The following DOCK8 variants were observed in gnomAD, a reference collection of about 807,000 sequenced individuals.
DOCK8 encodes dedicator of cytokinesis 8.
In DOCK8, 141 loss-of-function variants were observed where a neutral mutation model predicts 245.6. That is an observed-to-expected ratio of 0.57 (90% CI 0.50 to 0.66). DOCK8 has a LOEUF of 0.66. DOCK8 is among the 30% of genes least tolerant of loss of function. DOCK8 has a pLI of 0.00. For missense variants in DOCK8, 2,965 were observed against 2,603.4 expected (o/e 1.14, Z -3.02); for synonymous variants, 1,168 against 970.2 (o/e 1.20, Z -3.79).
chr9:213,337 A>AT (rs897619183), upstream of DOCK8: 8 of 152,110 alleles, frequency 5.3e-5, no homozygotes, highest in African/African-American at 1.9e-4. Context: ...CCTTAGGTGG[A>AT]TTTTAGTATT....
intron 7 of DOCK8, among the ~76,000 whole-genome samples, chr9:319,402 G>A (rs1379482645): frequency 3.3e-5 from 5 of 152,160 alleles, no homozygotes; most frequent in Non-Finnish European, 7.3e-5. Context: ...ATATTTGCCA[G>A]GTGCACTTGG....
At position 312,156 on chromosome 9, in the gene DOCK8, C is replaced by T; in HGVS notation, c.731C>T (p.Ser244Leu). Residue 244 changes from serine (S) to leucine (L), a missense_variant, in exon 6 of 48, where the codon TCA (serine) becomes TTA (leucine). Coordinates refer to ENST00000432829, the MANE Select transcript of DOCK8 (RefSeq NM_203447.4). The part of the protein sequence containing the change: ...RQAELFALYP[S>L]VDEEDAVEIR... ...GCCGAGCTCTTTGCCCTTTACCCAT[C>T]AGTGGACGAGGTGGGTGCCACTGTT... 6.2e-7 allele frequency: 1 copy of T among 1,614,180 alleles called. No individual in the cohort carries two copies. The highest frequency in any genetic ancestry group is 1.6e-4 in the Middle Eastern group (1 of 6,062).
At chr9:270,108 C>A (rs768895527) in intron 1 of DOCK8, among the ~76,000 whole-genome samples, 12 of 152,204 alleles carry the variant, frequency 7.9e-5, no homozygotes, top group African/African-American at 2.2e-4. Context: ...ATTTGATCTG[C>A]ATTTCCCATT....
Position 370,390 on chromosome 9 carries a change from A to G in DOCK8, c.1868+90A>G, listed in dbSNP as rs2131205008. 3.5e-6 allele frequency: 4 copies of G among 1,142,112 alleles called. No individual in the cohort carries two copies. In the East Asian group the frequency reaches 7.2e-5, roughly 21 times the overall value. The allele number at this position is 1,142,112 out of a possible 1,614,324, so 70.7% of individuals were successfully genotyped here. A position where few individuals can be genotyped will look rare whatever the true frequency, so the allele number is the denominator to read the frequency against. ...GTCCCGTGGGTGGTTCCTCCTAACT[A>G]TTTTTATAATTCAGGGACTGAGGGG... On this transcript the variant is annotated intron_variant, in intron 16 of 47. Transcript: ENST00000432829.
chr9:402,501 A>G (rs1325146094), intron 26 of DOCK8, among the ~76,000 whole-genome samples: 3 of 152,216 alleles, frequency 2.0e-5, no homozygotes, highest in Non-Finnish European at 4.4e-5. Context: ...ACTTAGCACC[A>G]TTAGTGGCAC....
chr9:371,266 A>G (rs987452489), intron 16 of DOCK8, among the ~76,000 whole-genome samples, 162 bp from the exon 17 acceptor site: 1 of 152,208 alleles, frequency 6.6e-6, no homozygotes, highest in African/African-American at 2.4e-5. Context: ...CTAATAACAT[A>G]AGCTTGGTCT....
chr9:247,881 G>A (rs1371353598), intron 1 of DOCK8, among the ~76,000 whole-genome samples: 1 of 150,640 alleles, frequency 6.6e-6, no homozygotes, highest in Non-Finnish European at 1.5e-5. Flanking sequence ...ACTAAATTCT[G>A]TTTATAGTAT....
At chr9:396,667 A>G in intron 24 of DOCK8, 118 bp from the exon 25 acceptor site, 3 of 1,413,202 alleles carry the variant, frequency 2.1e-6, no homozygotes, top group South Asian at 2.3e-5. Context: ...ACCAGCACAG[A>G]TAAAGTGTCA....
chr9:339,155 A>T (rs1236939892), intron 13 of DOCK8, 56 bp downstream of exon 13: 37 of 1,445,882 alleles, frequency 2.6e-5, no homozygotes, highest in Non-Finnish European at 2.9e-6. Flanking sequence ...TTATCGTTAG[A>T]CACAGTCTTT....
intron 26 of DOCK8, among the ~76,000 whole-genome samples, chr9:400,767 C>T (rs1427688404): frequency 1.1e-5 from 1 of 93,438 alleles, no homozygotes; most frequent in Non-Finnish European, 2.2e-5. Context: ...ACCACCACCT[C>T]CACCACCACC....
rs1410164569 is a variant in DOCK8 at position 406,983 on chromosome 9, T to C, written c.3444T>C (p.Asp1148=). 3.1e-6 allele frequency: 5 copies of C among 1,614,184 alleles called. 1 individual carries two copies. In the South Asian group the frequency reaches 5.5e-5, roughly 18 times the overall value. The change falls in exon 28 of 48, where the codon GAT becomes GAC. Residue 1148 remains aspartate (D), a synonymous_variant. Coordinates refer to ENST00000432829, the MANE Select transcript of DOCK8 (RefSeq NM_203447.4). ...ACCAGAAGATCGCCAGCATGTTCGA[T>C]CTGACTTCCGAGTACCGCCAGCAGC... ...FQDQKIASMF[D]LTSEYRQQHF... is the part of the protein sequence containing the mutation.
At chr9:415,052 A>C in intron 29 of DOCK8, 101 bp downstream of exon 29, 1 of 1,498,476 alleles carries the variant, frequency 6.7e-7, no homozygotes, top group Non-Finnish European at 9.2e-7. Flanking sequence ...TGATATGTTC[A>C]TATGAGCAAT....
At chr9:338,936 C>A in intron 12 of DOCK8, 70 bp from the exon 13 acceptor site, 1 of 1,336,674 alleles carries the variant, frequency 7.5e-7, no homozygotes, top group Non-Finnish European at 1.1e-6. Flanking sequence ...AAAATCTTCC[C>A]AGAAATCGTT....
chr9:328,941 CTTTTTTTTTTTTT>C lies in DOCK8; in HGVS notation c.1044+784_1044+796del, dbSNP rs1165346763. ...GGCCAGATAATTGGTCTTATTGATT[CTTTTTTTTTTTTT>C]TTTTTTTTTTTTTGAGAGGAGTTTT... On this transcript the variant is annotated intron_variant, in intron 9 of 47. Transcript: ENST00000432829. Among the ~76,000 whole-genome samples the C allele has an allele frequency of 7.0e-5, 5 of 71,402 alleles. No homozygotes were observed. In the East Asian group the frequency reaches 1.1e-3, roughly 16 times the overall value. The allele number at this position is 71,402 out of a possible 152,430, so 46.8% of individuals were successfully genotyped here.
chr9:242,496 A>C (rs1489897352), intron 1 of DOCK8, among the ~76,000 whole-genome samples: 1 of 152,196 alleles, frequency 6.6e-6, no homozygotes. Context: ...TTATTTTTTA[A>C]AATTAATTCT....
chr9:230,551 C>T (rs965003963), intron 1 of DOCK8, among the ~76,000 whole-genome samples: 3 of 152,122 alleles, frequency 2.0e-5, no homozygotes, highest in African/African-American at 4.8e-5. Flanking sequence ...TCCACATCCT[C>T]TCCGGCACCT....
At chr9:462,047 AT>A (rs1013649418) in intron 46 of DOCK8, among the ~76,000 whole-genome samples, 6 of 141,972 alleles carry the variant, frequency 4.2e-5, no homozygotes, top group African/African-American at 1.6e-4. Flanking sequence ...GGTTTTTTAC[AT>A]TGTTTTATTA....
chr9:389,852 CA>C (rs199732468), intron 23 of DOCK8, among the ~76,000 whole-genome samples: 1 of 149,176 alleles, frequency 6.7e-6, no homozygotes, highest in African/African-American at 2.5e-5. Flanking sequence ...CCATCTCTAC[CA>C]AAAAAAAAGA....
intron 14 of DOCK8, among the ~76,000 whole-genome samples, chr9:360,735 C>T (rs1563963254): frequency 6.6e-6 from 1 of 152,142 alleles, no homozygotes. Flanking sequence ...GTTTGTCATC[C>T]TGAGAGCTTA....
Sources: gnomAD v4.1 joint callset for allele counts (sites outside exome capture counted in the v4.1 genomes callset) on GRCh38, gnomAD v4.1.1 for gene constraint, MANE v1.5 for transcripts, NCBI Gene and HGNC (gene_info 2026-07-23, HGNC 2026-07-21) for gene names.